Variants in RP1 observed in about 807,000 individuals in gnomAD.
The protein encoded by RP1 is oxygen-regulated protein 1.
A neutral mutation model predicts 14.8 loss-of-function variants in RP1; 16 were observed. The observed-to-expected ratio is 1.08, with a 90% CI of 0.73 to 1.65. RP1 has a LOEUF of 1.65. Among genes scored for constraint, RP1 ranks in the 40% most tolerant of loss-of-function variants. The pLI, the probability that RP1 is intolerant of heterozygous loss-of-function variation, is 0.00. For synonymous variants in RP1, 876 were observed against 883.6 expected (o/e 0.99, Z 0.15); for missense variants, 2,631 against 2,535.0 (o/e 1.04, Z -0.81).
intron 1 of RP1, among the ~76,000 whole-genome samples, chr8:54,606,007 C>T (rs1228430553): frequency 6.6e-6 from 1 of 151,484 alleles, no homozygotes; most frequent in African/African-American, 2.4e-5. Flanking sequence ...ATTTGCCAGT[C>T]TGTGTCTTTT....
In RP1 at chr8:54,625,310, A is replaced by G. The variant is rs1472736684; in HGVS notation, c.1428A>G (p.Gln476=). The G allele has an allele frequency of 1.9e-6, 3 of 1,614,094 alleles. No homozygotes were observed. Among genetic ancestry groups the G allele is most frequent in the African/African-American group, 1.3e-5 (1 of 74,934 alleles). The part of the protein sequence containing the change: ...SVTLVSETEV[Q]EKMIGQFSYS... ...CCTTAGTATCTGAAACTGAGGTTCA[A>G]GAGAAAATGATTGGACAGTTTTCAT... Residue 476 remains glutamine (Q), a synonymous_variant, in exon 4 of 4, where the codon CAA becomes CAG. Coordinates refer to ENST00000220676, the MANE Select transcript of RP1 (RefSeq NM_006269.2).
At chr8:54,759,586 TC>T (rs1008496799) in intron 22 of RP1, among the ~76,000 whole-genome samples, 5 of 152,166 alleles carry the variant, frequency 3.3e-5, no homozygotes, top group African/African-American at 9.7e-5. Flanking sequence ...CTGTACTGCC[TC>T]GGCTTGAGAC....
At chr8:54,828,671 A>G (rs1020933956) in intron 24 of RP1, among the ~76,000 whole-genome samples, 6 of 152,018 alleles carry the variant, frequency 3.9e-5, no homozygotes, top group Admixed American at 6.6e-5. Context: ...TGACATTATC[A>G]TTATCAAGTA....
chr8:54,731,374 G>C (rs1017463975), intron 17 of RP1, among the ~76,000 whole-genome samples: 4 of 152,050 alleles, frequency 2.6e-5, no homozygotes, highest in Non-Finnish European at 5.9e-5. Flanking sequence ...GGAGTCTATT[G>C]ACTAATCCAG....
chr8:54,656,032 C>A, intron 5 of RP1: 1 of 1,353,990 alleles, frequency 7.4e-7, no homozygotes, highest in Non-Finnish European at 9.8e-7. Flanking sequence ...TTATTTGACA[C>A]TTTGATAAAG....
At chr8:54,652,795 A>G (rs1165709311) in exon 5 of RP1, 5 of 1,535,704 alleles carry the variant, frequency 3.3e-6, no homozygotes, top group Non-Finnish European at 4.4e-6. Flanking sequence ...AGTTGGAGAC[A>G]TTGGAGCACT....
chr8:54,824,906 A>G (rs1281897467), intron 24 of RP1, among the ~76,000 whole-genome samples: 1 of 152,272 alleles, frequency 6.6e-6, no homozygotes, highest in Middle Eastern at 3.4e-3. Flanking sequence ...TGCGAATATC[A>G]ACTTGACAAA....
intron 23 of RP1, among the ~76,000 whole-genome samples, chr8:54,782,711 G>A (rs1810219891): frequency 6.6e-6 from 1 of 152,102 alleles, no homozygotes; most frequent in African/African-American, 2.4e-5. Context: ...GGTTGATGAT[G>A]TAGTTTCCCA....
intron 24 of RP1, among the ~76,000 whole-genome samples, chr8:54,827,330 ATTT>A (rs111615579): frequency 0.31 from 45,223 of 145,898 alleles, 6,937 homozygotes; most frequent in South Asian, 0.38. Context: ...TTTATAGTGT[ATTT>A]TTTTTTTTTT....
intron 24 of RP1, among the ~76,000 whole-genome samples, chr8:54,800,039 AT>A (rs1290067928): frequency 1.4e-5 from 2 of 142,462 alleles, no homozygotes; most frequent in South Asian, 2.3e-4. Flanking sequence ...TTAGAAATAC[AT>A]TTCCTCAGTT....
At position 54,626,213 on chromosome 8, in the gene RP1, A is replaced by G; in HGVS notation, c.2331A>G (p.Arg777=). 6.2e-7 allele frequency: 1 copy of G among 1,610,354 alleles called. No homozygotes were observed. The highest frequency in any genetic ancestry group is 8.5e-7 in the Non-Finnish European group (1 of 1,178,846). The part of the protein sequence containing the change: ...NSKVQGLLTK[R]KSRSLNKISL... ...AGGTTCAAGGACTTTTAACCAAAAG[A>G]AAATCTAGATCACTAAATAAAATAA... The change falls in exon 4 of 4, where the codon AGA becomes AGG. Residue 777 remains arginine (R), a synonymous_variant. Coordinates refer to ENST00000220676, the MANE Select transcript of RP1 (RefSeq NM_006269.2).
intron 25 of RP1, among the ~76,000 whole-genome samples, chr8:54,839,249 G>T (rs930819539): frequency 1.8e-4 from 27 of 152,162 alleles, no homozygotes. Context: ...ACAAAAGAAT[G>T]ACACATTTTC....
chr8:54,583,248 T>C (rs1165780286), intron 1 of RP1, among the ~76,000 whole-genome samples: 3 of 152,338 alleles, frequency 2.0e-5, no homozygotes, highest in Non-Finnish European at 4.4e-5. Flanking sequence ...TCTGCATCTA[T>C]TGAGATAGTC....
chr8:54,607,711 CACTTTGTTTACCT>C (rs1052824112), intron 1 of RP1, among the ~76,000 whole-genome samples: 1 of 152,156 alleles, frequency 6.6e-6, no homozygotes, highest in Non-Finnish European at 1.5e-5. Flanking sequence ...GGTTCCTGGC[CACTTTGTTTACCT>C]ACTCAAGCCT....
chr8:54,583,678 G>T (rs868771473), intron 1 of RP1, among the ~76,000 whole-genome samples: 2 of 152,096 alleles, frequency 1.3e-5, no homozygotes, highest in Non-Finnish European at 2.9e-5. Flanking sequence ...CAATTTCAGA[G>T]CCTGTTATTG....
intron 22 of RP1, among the ~76,000 whole-genome samples, chr8:54,765,105 C>T (rs997135882): frequency 1.3e-5 from 2 of 152,254 alleles, no homozygotes; most frequent in Non-Finnish European, 2.9e-5. Flanking sequence ...CACCAGCAGG[C>T]CGCATCTCCA....
At chr8:54,710,134 C>T (rs777795624) in intron 15 of RP1, among the ~76,000 whole-genome samples, 5 of 152,302 alleles carry the variant, frequency 3.3e-5, no homozygotes, top group East Asian at 1.9e-4. Flanking sequence ...GGGGCTTAGA[C>T]GATGGCTATT....
intron 25 of RP1, among the ~76,000 whole-genome samples, chr8:54,851,262 T>C (rs538608134): frequency 5.3e-5 from 8 of 152,326 alleles, no homozygotes; most frequent in Admixed American, 2.6e-4. Context: ...GCTGTCAATA[T>C]GGAGTTTGTG....
rs1372307817 is a variant in RP1 at position 54,628,367 on chromosome 8, A to G, written c.4485A>G (p.Gln1495=). ...AGCAAGCCACTGAAGAATTAATCCAAGAAGAGGTAGAGGCTAGTAAAACTT... is the reference window on the plus strand; with the variant it reads ...AGCAAGCCACTGAAGAATTAATCCAGGAAGAGGTAGAGGCTAGTAAAACTT... The part of the protein sequence containing the change: ...GGEQATEELI[Q]EEVEASKTLE... Residue 1495 remains glutamine (Q), a synonymous_variant, in exon 4 of 4, where the codon CAA becomes CAG. Transcript: ENST00000220676. 3.7e-6 allele frequency: 6 copies of G among 1,613,634 alleles called. No individual in the cohort carries two copies. The highest frequency in any genetic ancestry group is 5.1e-6 in the Non-Finnish European group (6 of 1,179,834).
Sources: gnomAD v4.1 joint callset for allele counts (sites outside exome capture counted in the v4.1 genomes callset) on GRCh38, gnomAD v4.1.1 for gene constraint, MANE v1.5 for transcripts, NCBI Gene and HGNC (gene_info 2026-07-23, HGNC 2026-07-21) for gene names.